Variants in VAMP7 observed in about 807,000 individuals in gnomAD.
The protein encoded by VAMP7 is vesicle-associated membrane protein 7.
In VAMP7, 14 loss-of-function variants were observed where a neutral mutation model predicts 29.6. That is an observed-to-expected ratio of 0.47 (90% CI 0.31 to 0.74). The LOEUF is 0.74. Among genes scored for constraint, VAMP7 ranks in the 30% least tolerant of loss-of-function variants. The pLI is 0.05. For missense variants in VAMP7, 223 were observed against 262.4 expected, an observed-to-expected ratio of 0.85 and a Z score of 1.04; for synonymous variants, 95 against 88.1, an observed-to-expected ratio of 1.08 and a Z score of -0.44.
At chrX:155,885,184 T>A (rs1301697141) in intron 1 of VAMP7, among the ~76,000 whole-genome samples, 1 of 152,110 alleles carries the variant, frequency 6.6e-6, no homozygotes, top group Non-Finnish European at 1.5e-5. Flanking sequence ...ACCCAACAAC[T>A]AGAACAAAAA....
At chrX:155,910,622 T>C (rs2066223907) in intron 5 of VAMP7, among the ~76,000 whole-genome samples, 1 of 151,798 alleles carries the variant, frequency 6.6e-6, no homozygotes, top group Admixed American at 6.6e-5. Flanking sequence ...CCAGCATCTG[T>C]TATTTTGTAT....
At chrX:155,922,735 A>G (rs1361489524) in intron 6 of VAMP7, among the ~76,000 whole-genome samples, 1 of 151,960 alleles carries the variant, frequency 6.6e-6, no homozygotes, top group Non-Finnish European at 1.5e-5. Context: ...TTACCTCTCT[A>G]TCTTCTGAGT....
rs1207939988 is a variant in VAMP7 at position 155,902,536 on chromosome X, A to C, written c.433+1949A>C. On this transcript the variant is annotated intron_variant, in intron 5 of 7. Transcript: ENST00000286448. ...TAGATAGCTCTTATTATTTTGAGAT[A>C]CATCCCATCAATACCTAATTTATTG... Among the ~76,000 whole-genome samples the C allele has an allele frequency of 2.4e-4, 36 of 150,760 alleles. No individual in the cohort carries two copies. The East Asian group carries it at 5.3e-3, about 22-fold the overall frequency.
intron 6 of VAMP7, among the ~76,000 whole-genome samples, chrX:155,920,864 T>A (rs144347722): frequency 6.6e-6 from 1 of 152,188 alleles, no homozygotes. Context: ...TAGCAGCAGG[T>A]TTTAGTATAT....
chrX:155,915,061 G>T (rs1247807104), intron 5 of VAMP7, among the ~76,000 whole-genome samples: 1 of 152,008 alleles, frequency 6.6e-6, no homozygotes, highest in African/African-American at 2.4e-5. Context: ...TTGTATTCAG[G>T]GATTTGACTT....
At chrX:155,918,765 A>G (rs2066350279) in intron 5 of VAMP7, among the ~76,000 whole-genome samples, 1 of 152,184 alleles carries the variant, frequency 6.6e-6, no homozygotes, top group Non-Finnish European at 1.5e-5. Flanking sequence ...TCATCTTGCC[A>G]ACCACCCTGA....
chrX:155,900,640 T>G lies in VAMP7; in HGVS notation c.433+53T>G, dbSNP rs1367020043. ...TGTGGGCAAAAATGATAAAGATTAC[T>G]TGACTGGGGTCAAATTATTCTAGAG... On this transcript the variant is annotated intron_variant, in intron 5 of 7. Coordinates refer to ENST00000286448, the MANE Select transcript of VAMP7 (RefSeq NM_005638.6). 4 of 1,474,410 alleles carry G rather than the reference T, an allele frequency of 2.7e-6. No individual in the cohort carries two copies. The African/African-American group carries it at 5.6e-5, about 21-fold the overall frequency. The allele number at this position is 1,474,410 out of a possible 1,614,324, so 91.3% of individuals were successfully genotyped here.
intron 6 of VAMP7, among the ~76,000 whole-genome samples, chrX:155,939,135 G>A (rs1447995455): frequency 2.6e-5 from 4 of 151,896 alleles, no homozygotes; most frequent in Non-Finnish European, 5.9e-5. Flanking sequence ...AGTTTTGTTG[G>A]TTGGTTGTTT....
Position 155,921,831 on chromosome X carries a change from T to C in VAMP7, c.501+1951T>C, listed in dbSNP as rs144006235. ...CCATATATGTTTTAGAATAAGCTTG[T>C]TTTCCATCTCTTGACCCCACAACAA... On this transcript the variant is annotated intron_variant, in intron 6 of 7. Transcript: ENST00000286448. Among the ~76,000 whole-genome samples the C allele has an allele frequency of 3.3e-3, 503 of 152,202 alleles. 1 individual carries two copies. Among genetic ancestry groups the C allele is most frequent in the African/African-American group, 0.012 (478 of 41,556 alleles).
intron 6 of VAMP7, among the ~76,000 whole-genome samples, chrX:155,926,272 G>A (rs934794525): frequency 6.6e-6 from 1 of 152,188 alleles, no homozygotes; most frequent in Admixed American, 6.5e-5. Flanking sequence ...CAAAAGAAGG[G>A]TGTTTTGTTT....
chrX:155,890,782 C>A (rs1021167988), intron 2 of VAMP7, among the ~76,000 whole-genome samples: 1 of 152,180 alleles, frequency 6.6e-6, no homozygotes, highest in Non-Finnish European at 1.5e-5. Context: ...ACTTAAAAAT[C>A]TTTTCTTACT....
At chrX:155,913,586 A>C (rs185602129) in intron 5 of VAMP7, among the ~76,000 whole-genome samples, 107 of 152,140 alleles carry the variant, frequency 7.0e-4, no homozygotes, top group Middle Eastern at 3.4e-3. Flanking sequence ...CAGTTTTCTG[A>C]ATATGGCTAG....
At chrX:155,919,472 A>G (rs1364692354) in intron 5 of VAMP7, among the ~76,000 whole-genome samples, 5 of 152,130 alleles carry the variant, frequency 3.3e-5, no homozygotes, top group Non-Finnish European at 7.3e-5. Context: ...GGATATATCT[A>G]TGGTGTTGGT....
intron 5 of VAMP7, among the ~76,000 whole-genome samples, chrX:155,909,394 T>G (rs2066201027): frequency 6.6e-6 from 1 of 152,168 alleles, no homozygotes; most frequent in Non-Finnish European, 1.5e-5. Flanking sequence ...ACGTAAAGGT[T>G]TGTCAATTTT....
At chrX:155,913,146 A>C (rs2066261852) in intron 5 of VAMP7, among the ~76,000 whole-genome samples, 7 of 151,900 alleles carry the variant, frequency 4.6e-5, no homozygotes. Flanking sequence ...CTTTTTTTTC[A>C]TATGTTTATT....
At chrX:155,912,245 T>C (rs1263753575) in intron 5 of VAMP7, among the ~76,000 whole-genome samples, 1 of 152,170 alleles carries the variant, frequency 6.6e-6, no homozygotes, top group Non-Finnish European at 1.5e-5. Context: ...TATTTGAATA[T>C]ATAAAAGTAG....
intron 6 of VAMP7, among the ~76,000 whole-genome samples, chrX:155,938,523 A>T (rs1359870791): frequency 1.3e-5 from 2 of 152,242 alleles, no homozygotes; most frequent in Admixed American, 6.5e-5. Flanking sequence ...CAAAGTAAAC[A>T]TACCATGTAG....
At chrX:155,928,021 T>C (rs1307815261) in intron 6 of VAMP7, among the ~76,000 whole-genome samples, 1 of 152,182 alleles carries the variant, frequency 6.6e-6, no homozygotes, top group East Asian at 1.9e-4. Context: ...CAGGCTCAAG[T>C]GATCCTCCTG....
chrX:155,939,896 A>T, intron 7 of VAMP7, 103 bp downstream of exon 7: 1 of 987,526 alleles, frequency 1.0e-6, no homozygotes, highest in Non-Finnish European at 1.6e-6. Flanking sequence ...TGAGCTACAT[A>T]TGTCTTTTAA....
Sources: gnomAD v4.1 joint callset for allele counts (sites outside exome capture counted in the v4.1 genomes callset) on GRCh38, gnomAD v4.1.1 for gene constraint, MANE v1.5 for transcripts, NCBI Gene and HGNC (gene_info 2026-07-23, HGNC 2026-07-21) for gene names.